Variants in DRC11 observed in about 807,000 individuals in gnomAD.
DRC11 encodes IQ and AAA domain-containing protein 1.
the DRC11 span, among the ~76,000 whole-genome samples, chr2:236,432,139 A>G: frequency 6.6e-6 from 1 of 152,240 alleles, no homozygotes; most frequent in South Asian, 2.1e-4. Flanking sequence ...AAATAGCATT[A>G]CATTTCCATT....
At chr2:236,484,600 C>CT in the DRC11 span, among the ~76,000 whole-genome samples, 1,202 of 137,392 alleles carry the variant, frequency 8.7e-3, 22 homozygotes, top group East Asian at 0.047. Context: ...ATATTCTTGG[C>CT]TTTTTTTTTT....
At chr2:236,429,621 C>T in the DRC11 span, among the ~76,000 whole-genome samples, 2 of 152,074 alleles carry the variant, frequency 1.3e-5, no homozygotes, top group Non-Finnish European at 2.9e-5. This position sits in a 1 kb window ranked among gnomAD's most constrained non-coding sequence, Gnocchi z 5.9. Flanking sequence ...GCAGTAGGTG[C>T]TCTGGGTCCC....
At chr2:236,344,469 G>A in the DRC11 span, 305 of 843,444 alleles carry the variant, frequency 3.6e-4, 1 homozygote, top group African/African-American at 4.7e-3. Flanking sequence ...GAAAAGGCAA[G>A]ACCTTCTCAA....
the DRC11 span, among the ~76,000 whole-genome samples, chr2:236,491,500 G>A: frequency 6.6e-6 from 1 of 151,686 alleles, no homozygotes; most frequent in African/African-American, 2.4e-5. Flanking sequence ...AAATGAAGAG[G>A]AACAGTGAGC....
At chr2:236,357,810 GAATA>G in the DRC11 span, among the ~76,000 whole-genome samples, 1 of 99,434 alleles carries the variant, frequency 1.0e-5, no homozygotes, top group African/African-American at 3.9e-5. Context: ...TATAAATATA[GAATA>G]TATAAATATA....
chr2:236,418,900 CAT>C, the DRC11 span, among the ~76,000 whole-genome samples: 217 of 152,292 alleles, frequency 1.4e-3, 1 homozygote, highest in Non-Finnish European at 1.4e-3. Flanking sequence ...TGTGAAAAAA[CAT>C]GTGAGGTATC....
At chr2:236,404,269 G>C in the DRC11 span, among the ~76,000 whole-genome samples, 1 of 151,992 alleles carries the variant, frequency 6.6e-6, no homozygotes, top group Non-Finnish European at 1.5e-5. Context: ...AATTAAGTGA[G>C]AATTTCTTCC....
the DRC11 span, among the ~76,000 whole-genome samples, chr2:236,326,129 A>G: frequency 1.3e-5 from 2 of 152,228 alleles, no homozygotes; most frequent in Non-Finnish European, 1.5e-5. Context: ...GTTCCCAACA[A>G]TATATCTAGG....
chr2:236,482,156 C>G, the DRC11 span, among the ~76,000 whole-genome samples: 2 of 150,066 alleles, frequency 1.3e-5, no homozygotes, highest in East Asian at 3.9e-4. This position sits in a 1 kb window ranked among gnomAD's most constrained non-coding sequence, Gnocchi z 4.5. Context: ...ATGTATAATT[C>G]TAAATCCTGA....
chr2:236,411,123 G>C, the DRC11 span, among the ~76,000 whole-genome samples: 1 of 146,780 alleles, frequency 6.8e-6, no homozygotes, highest in African/African-American at 2.5e-5. Context: ...TACAAAATGG[G>C]AGAAAATTTT....
chr2:236,370,503 C>T, the DRC11 span, among the ~76,000 whole-genome samples: 2 of 151,942 alleles, frequency 1.3e-5, no homozygotes, highest in African/African-American at 2.4e-5. This position sits in a 1 kb window ranked among gnomAD's most constrained non-coding sequence, Gnocchi z 5.5. Context: ...AGCCCCAGGC[C>T]CTGGAGGTCT....
At chr2:236,388,738 C>A in the DRC11 span, among the ~76,000 whole-genome samples, 1,424 of 149,988 alleles carry the variant, frequency 9.5e-3, 9 homozygotes, top group Non-Finnish European at 0.017. Flanking sequence ...GAGAGGCGCT[C>A]TGCTTTTTAG....
chr2:236,367,308 T>TTA, the DRC11 span, among the ~76,000 whole-genome samples: 35 of 147,990 alleles, frequency 2.4e-4, no homozygotes, highest in East Asian at 3.5e-3. This position sits in a 1 kb window ranked among gnomAD's most constrained non-coding sequence, Gnocchi z 4.8. Flanking sequence ...AACATATATA[T>TTA]TATATATATA....
At chr2:236,506,357 C>G in the DRC11 span, among the ~76,000 whole-genome samples, 1 of 152,218 alleles carries the variant, frequency 6.6e-6, no homozygotes, top group Non-Finnish European at 1.5e-5. This position sits in a 1 kb window ranked among gnomAD's most constrained non-coding sequence, Gnocchi z 4.9. Flanking sequence ...AACCCAAGAT[C>G]TGAATATTTT....
the DRC11 span, among the ~76,000 whole-genome samples, chr2:236,456,852 T>C: frequency 1.3e-5 from 2 of 152,152 alleles, no homozygotes; most frequent in Admixed American, 6.5e-5. This position sits in a 1 kb window ranked among gnomAD's most constrained non-coding sequence, Gnocchi z 5.4. Context: ...TTTGGAATTT[T>C]CAATTGGAAA....
chr2:236,453,368 TCTATCATATTTATGAAA>T, the DRC11 span, among the ~76,000 whole-genome samples: 1 of 152,196 alleles, frequency 6.6e-6, no homozygotes, highest in African/African-American at 2.4e-5. This position sits in a 1 kb window ranked among gnomAD's most constrained non-coding sequence, Gnocchi z 4.9. Flanking sequence ...TAAATGAATA[TCTATCATATTTATGAAA>T]CACAAAGGCC....
the DRC11 span, chr2:236,497,445 A>C: frequency 4.3e-6 from 7 of 1,613,464 alleles, no homozygotes; most frequent in Non-Finnish European, 5.9e-6. The surrounding 1 kb of genome is among the most constrained non-coding windows in gnomAD (Gnocchi z 5.1). Context: ...CGAGTAAAGC[A>C]CCGAGGGCTT....
chr2:236,382,510 C>T, the DRC11 span, among the ~76,000 whole-genome samples: 1 of 152,164 alleles, frequency 6.6e-6, no homozygotes, highest in Non-Finnish European at 1.5e-5. Context: ...GATAGAATTG[C>T]ATTAATCCTA....
chr2:236,309,865 C>T, the DRC11 span, among the ~76,000 whole-genome samples: 1 of 152,212 alleles, frequency 6.6e-6, no homozygotes, highest in Non-Finnish European at 1.5e-5. The surrounding 1 kb of genome is among the most constrained non-coding windows in gnomAD (Gnocchi z 5.7). Flanking sequence ...ATGTTTCCAG[C>T]CTCACCAAGG....
Sources: gnomAD v4.1 joint callset for allele counts (sites outside exome capture counted in the v4.1 genomes callset) on GRCh38, gnomAD v4.1.1 for gene constraint, Gnocchi (gnomAD v3.1) non-coding constraint, MANE v1.5 for transcripts, NCBI Gene and HGNC (gene_info 2026-07-23, HGNC 2026-07-21) for gene names.